The following TM2D3 variants were observed in gnomAD, a reference collection of about 807,000 sequenced individuals.
TM2D3 encodes the protein TM2 domain containing 3, also known as TM2 domain-containing protein 3.
Under a neutral mutation model 27.3 loss-of-function variants are expected in TM2D3, and 33 were observed. The ratio of observed to expected loss-of-function variants is 1.21; its 90% CI spans 0.92 to 1.61. The LOEUF is 1.61. Among genes scored for constraint, TM2D3 ranks in the 40% most tolerant of loss-of-function variants. The pLI is 0.00. For missense variants in TM2D3, 364 were observed against 320.8 expected, an observed-to-expected ratio of 1.13 and a Z score of -1.03; for synonymous variants, 138 against 122.2, an observed-to-expected ratio of 1.13 and a Z score of -0.85.
intron 4 of TM2D3, chr15:101,633,817 C>T (rs1430970410): frequency 8.6e-7 from 1 of 1,163,624 alleles, no homozygotes; most frequent in Non-Finnish European, 1.2e-6. Flanking sequence ...AATAAAAAAT[C>T]CATATACCAA....
intron 4 of TM2D3, chr15:101,636,711 A>G (rs1049472487): frequency 3.3e-5 from 7 of 210,332 alleles, no homozygotes; most frequent in African/African-American, 7.1e-5. Context: ...GTCACATGGT[A>G]ACTCTATGTT....
At chr15:101,644,335 G>C (rs1313457623) in intron 5 of TM2D3, among the ~76,000 whole-genome samples, 1 of 152,148 alleles carries the variant, frequency 6.6e-6, no homozygotes, top group Non-Finnish European at 1.5e-5. Flanking sequence ...AGCTGCAAGG[G>C]ATGGGGGGTT....
At chr15:101,642,709 T>G in intron 5 of TM2D3, 65 bp from the exon 6 acceptor site, 7 of 1,394,008 alleles carry the variant, frequency 5.0e-6, no homozygotes, top group Non-Finnish European at 6.8e-6. Context: ...CAGTCACGGT[T>G]TAATCACCAC....
chr15:101,644,128 G>A (rs752004282), intron 5 of TM2D3, among the ~76,000 whole-genome samples: 1 of 152,200 alleles, frequency 6.6e-6, no homozygotes, highest in Admixed American at 6.5e-5. Context: ...TTACAGGTGT[G>A]AGCCATCGCG....
downstream of TM2D3, chr15:101,641,843 C>G: frequency 1.1e-6 from 1 of 872,454 alleles, no homozygotes. Context: ...AACAGGCCCA[C>G]AGTATTTCTT....
chr15:101,634,934 G>A (rs1269642520), intron 4 of TM2D3: 2 of 152,208 alleles, frequency 1.3e-5, no homozygotes, highest in South Asian at 2.1e-4. Context: ...CAAGGCAGGA[G>A]GCTCACTTGA....
At chr15:101,650,658 G>A (rs542936131) in intron 2 of TM2D3, 2 of 152,372 alleles carry the variant, frequency 1.3e-5, no homozygotes, top group Non-Finnish European at 2.9e-5. Context: ...ACTTTAAAAT[G>A]TCATTATTTC....
chr15:101,633,743 A>C (rs1328732204), intron 4 of TM2D3: 5 of 1,526,986 alleles, frequency 3.3e-6, no homozygotes, highest in Non-Finnish European at 3.5e-6. Context: ...ACCCAAAAAG[A>C]AGAAGAATTT....
downstream of TM2D3, among the ~76,000 whole-genome samples, chr15:101,641,651 T>C (rs994272091): frequency 3.3e-5 from 5 of 152,258 alleles, no homozygotes; most frequent in African/African-American, 9.6e-5. Context: ...CTGAGTTTTT[T>C]TTCCCCGATA....
rs1390302124 is a variant in TM2D3 at position 101,642,566 on chromosome 15, G to A, written c.657C>T (p.Phe219=). 7 of 1,613,036 alleles carry A rather than the reference G, an allele frequency of 4.3e-6. No individual in the cohort carries two copies. The highest frequency in any genetic ancestry group is 2.2e-5 in the East Asian group (1 of 44,852). ...TCAGCGTCCATATTCCCAGGCCACC[G>A]AAGCTGAAGAGCTTGCCGAGGCCTT... The part of the protein sequence containing the change: ...WREGLGKLFS[F]GGLGIWTLID... Residue 219 remains phenylalanine, a synonymous_variant, in exon 6 of 6, where the codon TTC becomes TTT. Transcript: ENST00000333202.
Position 101,645,324 on chromosome 15 carries a change from T to C in TM2D3, c.503-162A>G, listed in dbSNP as rs1159701886. On this transcript the variant is annotated intron_variant, in intron 4 of 5. Coordinates refer to ENST00000333202, the MANE Select transcript of TM2D3 (RefSeq NM_078474.3). ...ACAAAGCGCTTACCATCTATCTACA[T>C]AGATGTAATATTTAAATCAGCTAAG... 1.3e-5 allele frequency: 8 copies of C among 615,744 alleles called. No individual in the cohort carries two copies. The East Asian group carries it at 1.4e-4, about 11-fold the overall frequency. The allele number at this position is 615,744 out of a possible 1,614,324, so 38.1% of individuals were successfully genotyped here.
intron 3 of TM2D3, chr15:101,648,292 A>G (rs1179544013): frequency 1.3e-5 from 2 of 152,226 alleles, no homozygotes; most frequent in African/African-American, 4.8e-5. Flanking sequence ...ACTTTGGCAT[A>G]TGCGCTGATG....
In TM2D3 at chr15:101,646,885, T is replaced by C; in HGVS notation, c.342A>G (p.Lys114=). ...PSVTCVDQDF[K]SQKNFIINMT... Reference sequence around the variant, plus strand: ...TGTTAATGATGAAGTTCTTTTGGGATTTGAAGTCTTGATCCTATGTAGCAA... The same window carrying C: ...TGTTAATGATGAAGTTCTTTTGGGACTTGAAGTCTTGATCCTATGTAGCAA... The change falls in exon 4 of 6, where the codon AAA becomes AAG. Residue 114 remains lysine, a synonymous_variant. Transcript: ENST00000333202. The C allele has an allele frequency of 1.9e-6, 3 of 1,614,206 alleles. No individual in the cohort carries two copies. The highest frequency in any genetic ancestry group is 1.7e-6 in the Non-Finnish European group (2 of 1,180,038).
chr15:101,642,794 T>C (rs1596262786), intron 5 of TM2D3, 150 bp from the exon 6 acceptor site: 1 of 503,934 alleles, frequency 2.0e-6, no homozygotes, highest in Admixed American at 4.2e-5. Context: ...TTTCACAAAC[T>C]GACACCACCA....
intron 4 of TM2D3, chr15:101,636,624 G>T (rs1166664669): frequency 5.6e-6 from 1 of 179,450 alleles, no homozygotes; most frequent in Non-Finnish European, 1.2e-5. Context: ...TTTGACCTAA[G>T]TGACCCCATT....
At chr15:101,651,870 T>C in intron 1 of TM2D3, 97 bp from the exon 2 acceptor site, 1 of 1,259,370 alleles carries the variant, frequency 7.9e-7, no homozygotes, top group Non-Finnish European at 1.2e-6. Context: ...ACCAGGCCAA[T>C]AAGCTGCTCA....
At chr15:101,649,571 G>A (rs974181747) in intron 3 of TM2D3, among the ~76,000 whole-genome samples, 2 of 152,160 alleles carry the variant, frequency 1.3e-5, no homozygotes, top group African/African-American at 4.8e-5. Context: ...GGCATTTACT[G>A]AATCCATCTT....
chr15:101,651,555 C>T, intron 2 of TM2D3, 141 bp downstream of exon 2: 1 of 825,658 alleles, frequency 1.2e-6, no homozygotes, highest in Non-Finnish European at 1.9e-6. Flanking sequence ...GTGTATCTAC[C>T]CTTAATTCAC....
intron 5 of TM2D3, among the ~76,000 whole-genome samples, chr15:101,643,829 T>C (rs929615906): frequency 3.9e-5 from 6 of 152,094 alleles, no homozygotes; most frequent in African/African-American, 1.4e-4. Context: ...AGTTGTTAAT[T>C]TGAACCATTG....
Sources: gnomAD v4.1 joint callset for allele counts (sites outside exome capture counted in the v4.1 genomes callset) on GRCh38, gnomAD v4.1.1 for gene constraint, MANE v1.5 for transcripts, NCBI Gene and HGNC (gene_info 2026-07-23, HGNC 2026-07-21) for gene names.